WDR17: variants seen among roughly 807,000 people sequenced by gnomAD.
WDR17 encodes the protein WD repeat-containing protein 17.
A neutral mutation model predicts 161.7 loss-of-function variants in WDR17; 143 were observed. The ratio of observed to expected loss-of-function variants is 0.88; its 90% CI spans 0.77 to 1.02. The LOEUF (loss-of-function observed/expected upper bound fraction) is 1.02. Among genes scored for constraint, WDR17 ranks in the 50% least tolerant of loss-of-function variants. The probability of loss-of-function intolerance (pLI) is 0.00; values close to 1 mark genes in which losing one functional copy is unlikely to be tolerated. For synonymous variants in WDR17, 517 were observed against 515.6 expected (o/e 1.00, Z -0.04); for missense variants, 1,469 against 1,520.9 (o/e 0.97, Z 0.57).
chr4:176,119,945 T>A lies in WDR17; in HGVS notation c.386T>A (p.Ile129Asn), dbSNP rs1468869898. Reference protein sequence around the residue: ...AFVSHRGPLFIWTISGPDSGV... With the variant: ...AFVSHRGPLFNWTISGPDSGV... ...GTTTCCCACAGAGGCCCACTGTTCA[T>A]TTGGACCATCTCAGGACCAGATAGT... The change falls in exon 4 of 29, where the codon ATT becomes AAT. Residue 129 changes from isoleucine to asparagine, a missense_variant. Physicochemically the swap from Ile to Asn is moderately radical, Grantham distance 149 (BLOSUM62 -3). Transcript: ENST00000508596. 6.2e-7 allele frequency: 1 copy of A among 1,613,970 alleles called. No individual in the cohort carries two copies. The highest frequency in any genetic ancestry group is 2.2e-5 in the East Asian group (1 of 44,876).
chr4:176,120,012 T>C lies in WDR17; in HGVS notation c.453T>C (p.Asp151=). 6.2e-7 allele frequency: 1 copy of C among 1,614,110 alleles called. No individual in the cohort carries two copies. Among genetic ancestry groups the C allele is most frequent in the Non-Finnish European group, 8.5e-7 (1 of 1,180,006 alleles). ...AAGATGCTCATAGCTTCTTGTCTGA[T>C]ATCTGTATGTTCAGATGGCATACAC... ...VHKDAHSFLS[D]ICMFRWHTHQ... The change falls in exon 4 of 29, where the codon GAT becomes GAC. Residue 151 remains aspartate (D), a synonymous_variant. Coordinates refer to ENST00000508596, the MANE Select transcript of WDR17 (RefSeq NM_181265.4).
At chr4:176,139,557 G>A (rs895219710) in intron 9 of WDR17, among the ~76,000 whole-genome samples, 1 of 151,908 alleles carries the variant, frequency 6.6e-6, no homozygotes, top group South Asian at 2.1e-4. Flanking sequence ...TCACCATACT[G>A]GTACTCATGG....
Position 176,179,784 on chromosome 4 carries a change from A to G in WDR17, c.*205A>G. On this transcript the variant is annotated 3_prime_UTR_variant, in exon 29 of 29. Coordinates refer to ENST00000508596, the MANE Select transcript of WDR17 (RefSeq NM_181265.4). ...TAAAGGAAAAATAGGTGCCTCCTTTATAAACAGTAATAGCTACGTTTGGGA... is the reference window on the plus strand; with the variant it reads ...TAAAGGAAAAATAGGTGCCTCCTTTGTAAACAGTAATAGCTACGTTTGGGA... The G allele has an allele frequency of 4.2e-6, 1 of 236,790 alleles. No homozygotes were observed. Among genetic ancestry groups the G allele is most frequent in the Non-Finnish European group, 7.8e-6 (1 of 128,306 alleles). 14.7% of individuals were successfully genotyped at this position (236,790 alleles called of 1,614,324 possible).
At chr4:176,097,632 C>T (rs2126647758) in intron 1 of WDR17, among the ~76,000 whole-genome samples, 1 of 151,510 alleles carries the variant, frequency 6.6e-6, no homozygotes, top group Admixed American at 6.6e-5. Context: ...AGTTAATGAG[C>T]AGTTTTCCAT....
intron 25 of WDR17, 66 bp from the exon 26 acceptor site, chr4:176,174,550 GT>G: frequency 8.9e-7 from 1 of 1,119,498 alleles, no homozygotes; most frequent in Non-Finnish European, 1.3e-6. Context: ...TACATGAACT[GT>G]GTATCAGAGT....
At chr4:176,100,751 G>T (rs934211328) in intron 1 of WDR17, among the ~76,000 whole-genome samples, 8 of 151,558 alleles carry the variant, frequency 5.3e-5, no homozygotes, top group Admixed American at 2.6e-4. Flanking sequence ...ATCTTGAATT[G>T]TTTTTTTTAA....
In WDR17 at chr4:176,131,639, A is replaced by G. The variant is rs762915565; in HGVS notation, c.999A>G (p.Ala333=). The part of the protein sequence containing the change: ...VPPPTLTQNQ[A]FSLPPGHAVC... Reference sequence around the variant, plus strand: ...CCCCAACTTTAACACAGAATCAAGCATTTTCTCTTCCTCCTGGTCATGCAG... The same window carrying G: ...CCCCAACTTTAACACAGAATCAAGCGTTTTCTCTTCCTCCTGGTCATGCAG... The change falls in exon 7 of 29, where the codon GCA becomes GCG. Residue 333 remains alanine (A), a synonymous_variant. Coordinates refer to ENST00000508596, the MANE Select transcript of WDR17 (RefSeq NM_181265.4). 5 of 1,613,682 alleles carry G rather than the reference A, an allele frequency of 3.1e-6. No homozygotes were observed. Among genetic ancestry groups the G allele is most frequent in the Non-Finnish European group, 4.2e-6 (5 of 1,179,822 alleles).
intron 1 of WDR17, among the ~76,000 whole-genome samples, chr4:176,083,739 T>TA (rs1323188754): frequency 1.3e-5 from 2 of 152,134 alleles, no homozygotes; most frequent in Non-Finnish European, 2.9e-5. Context: ...TGTTCGGCGT[T>TA]AGAGGATTCG....
chr4:176,156,835 G>A (rs931891022), intron 18 of WDR17, among the ~76,000 whole-genome samples: 52 of 152,090 alleles, frequency 3.4e-4, no homozygotes, highest in African/African-American at 1.2e-3. Flanking sequence ...TTCTCTCTTG[G>A]TGTCTGGTTG....
At chr4:176,159,197 C>T (rs2126842407) in intron 18 of WDR17, among the ~76,000 whole-genome samples, 1 of 151,862 alleles carries the variant, frequency 6.6e-6, no homozygotes, top group African/African-American at 2.4e-5. Context: ...TGAGGTTAAA[C>T]ATTGAGGGCA....
intron 16 of WDR17, 138 bp downstream of exon 16, chr4:176,150,731 G>A: frequency 4.8e-6 from 4 of 831,386 alleles, no homozygotes; most frequent in Non-Finnish European, 5.0e-6. Flanking sequence ...ATCCATCTTG[G>A]GTAAAATGAA....
At chr4:176,171,667 A>G (rs1750753058) in intron 23 of WDR17, among the ~76,000 whole-genome samples, 1 of 152,236 alleles carries the variant, frequency 6.6e-6, no homozygotes, top group South Asian at 2.1e-4. Context: ...ACAATTATAA[A>G]CACATCAGAA....
rs201147883 is a variant in WDR17 at position 176,152,933 on chromosome 4, C to CAAA, written c.2460+977_2460+979dup. ...CTGGCGACAGAGCAAGACTCCATCT[C>CAAA]AAAAAAAAAAAAAGGAAGCTTATTT... On this transcript the variant is annotated intron_variant, in intron 17 of 28. Transcript: ENST00000508596. Among the ~76,000 whole-genome samples the CAAA allele has an allele frequency of 4.3e-3, 545 of 126,134 alleles. 2 individuals carry two copies. Among genetic ancestry groups the CAAA allele is most frequent in the African/African-American group, 0.016 (532 of 34,182 alleles). 82.7% of individuals were successfully genotyped at this position (126,134 alleles called of 152,430 possible). A position where few individuals can be genotyped will look rare whatever the true frequency, so the allele number is the denominator to read the frequency against.
chr4:176,071,887 C>T lies in WDR17; in HGVS notation c.-7+5808C>T, dbSNP rs532268949. 2.0e-4 allele frequency among the ~76,000 whole-genome samples: 31 copies of T among 152,254 alleles called. No homozygotes were observed. In the South Asian group the frequency reaches 6.4e-3, roughly 32 times the overall value. On this transcript the variant is annotated intron_variant, in intron 1 of 28. Transcript: ENST00000508596. ...AATAAAGGTAACTCCATTCATCTTT[C>T]TGTATCTTTGAATCGGTGTCTTGCT...
intron 1 of WDR17, among the ~76,000 whole-genome samples, chr4:176,077,599 G>A (rs1734217905): frequency 6.6e-6 from 1 of 151,864 alleles, no homozygotes; most frequent in Non-Finnish European, 1.5e-5. Context: ...TATTTTTCCT[G>A]TGATAAGTGC....
chr4:176,117,634 C>T (rs1335575291), intron 3 of WDR17, among the ~76,000 whole-genome samples: 1 of 152,014 alleles, frequency 6.6e-6, no homozygotes, highest in African/African-American at 2.4e-5. Context: ...CAGCTATATG[C>T]ACCATAGTTT....
chr4:176,093,863 A>G (rs909664731), intron 1 of WDR17, among the ~76,000 whole-genome samples: 1 of 152,228 alleles, frequency 6.6e-6, no homozygotes. Flanking sequence ...AGTATTTTTT[A>G]TGCAAGATAA....
chr4:176,076,564 C>A (rs947398646), intron 1 of WDR17, among the ~76,000 whole-genome samples: 9 of 151,534 alleles, frequency 5.9e-5, no homozygotes, highest in African/African-American at 1.9e-4. Flanking sequence ...TTTAAAAAAT[C>A]TCTTATTTTC....
intron 5 of WDR17, among the ~76,000 whole-genome samples, 165 bp from the exon 6 acceptor site, chr4:176,128,573 G>T (rs188196036): frequency 1.3e-5 from 2 of 152,106 alleles, no homozygotes; most frequent in African/African-American, 4.8e-5. Flanking sequence ...AGGTTAAATA[G>T]TATTTCGGTT....
Sources: allele counts gnomAD v4.1 joint callset (sites outside exome capture counted in the v4.1 genomes callset), GRCh38; gene constraint gnomAD v4.1.1; transcripts MANE v1.5; gene names NCBI Gene and HGNC (gene_info 2026-07-23, HGNC 2026-07-21).